The following THSD7A variants were observed in gnomAD, a reference collection of about 807,000 sequenced individuals.
The protein encoded by THSD7A is thrombospondin type 1 domain containing 7A.
A neutral mutation model predicts 231.3 loss-of-function variants in THSD7A; 96 were observed. The ratio of observed to expected loss-of-function variants is 0.41; its 90% CI spans 0.35 to 0.49. The LOEUF is 0.49. Ranked by LOEUF, THSD7A falls within the 20% of genes least tolerant of loss-of-function variation. THSD7A has a pLI of 0.05. For missense variants in THSD7A, 2,290 were observed against 2,070.2 expected, an observed-to-expected ratio of 1.11 and a Z score of -2.06; for synonymous variants, 940 against 743.3, an observed-to-expected ratio of 1.26 and a Z score of -4.30.
intron 4 of THSD7A, among the ~76,000 whole-genome samples, chr7:11,567,608 T>A (rs560081811): frequency 2.6e-5 from 4 of 152,148 alleles, no homozygotes; most frequent in Non-Finnish European, 5.9e-5. Context: ...GGTTTAAAAC[T>A]ACCGATAGCT....
intron 4 of THSD7A, among the ~76,000 whole-genome samples, chr7:11,558,175 TG>T (rs1789928938): frequency 6.6e-6 from 1 of 152,172 alleles, no homozygotes; most frequent in Non-Finnish European, 1.5e-5. Context: ...CTTGTCATTT[TG>T]GGCCTTGACA....
intron 1 of THSD7A, among the ~76,000 whole-genome samples, chr7:11,714,132 C>T (rs533322150): frequency 4.6e-5 from 7 of 151,068 alleles, no homozygotes; most frequent in Non-Finnish European, 8.9e-5. Context: ...TTTCAAGGCA[C>T]TTGTAGTAAG....
At position 11,831,283 on chromosome 7, in the gene THSD7A, C is replaced by T. The variant is rs1055648874; in HGVS notation, c.190+474G>A. Reference sequence around the variant, plus strand: ...ATTTGCCTTTAATTGTTGGAACCGCCCTCACTTGGCTTGTTTCTGAGGTGT... The same window carrying T: ...ATTTGCCTTTAATTGTTGGAACCGCTCTCACTTGGCTTGTTTCTGAGGTGT... On this transcript the variant is annotated intron_variant, in intron 1 of 27. Coordinates refer to ENST00000423059, the MANE Select transcript of THSD7A (RefSeq NM_015204.3). This position sits in a 1 kb window ranked among gnomAD's most constrained non-coding sequence, Gnocchi z 5.0. 4.6e-5 allele frequency among the ~76,000 whole-genome samples: 7 copies of T among 152,178 alleles called. No individual in the cohort carries two copies. Among genetic ancestry groups the T allele is most frequent in the Admixed American group, 1.3e-4 (2 of 15,280 alleles).
chr7:11,529,913 GA>G (rs1788632873), intron 6 of THSD7A, among the ~76,000 whole-genome samples: 1 of 152,084 alleles, frequency 6.6e-6, no homozygotes, highest in African/African-American at 2.4e-5. Flanking sequence ...CACTTAAATA[GA>G]ACACACTAGG....
intron 6 of THSD7A, among the ~76,000 whole-genome samples, chr7:11,489,758 T>G (rs947060920): frequency 6.6e-6 from 1 of 152,102 alleles, no homozygotes; most frequent in Non-Finnish European, 1.5e-5. Flanking sequence ...CTGCAAGAGT[T>G]GAGTTCAATC....
rs1554339240 is a variant in THSD7A, at chr7:11,566,965, T to TGGG, written c.1453+23492_1453+23494dup. Among the ~76,000 whole-genome samples the TGGG allele has an allele frequency of 3.3e-5, 3 of 92,306 alleles. 1 individual carries two copies. Among genetic ancestry groups the TGGG allele is most frequent in the African/African-American group, 1.7e-4 (3 of 18,008 alleles). The allele number at this position is 92,306 out of a possible 152,430, so 60.6% of individuals were successfully genotyped here. On this transcript the variant is annotated intron_variant, in intron 4 of 27. Transcript: ENST00000423059. ...CAAAGTGGATCCAGCTGTGGGAGAG[T>TGGG]GGGGGGGGGACTGACCAACAAAGTT... is the stretch of plus-strand genomic sequence containing the variant.
chr7:11,412,928 C>A, intron 17 of THSD7A, 128 bp from the exon 18 acceptor site: 1 of 904,974 alleles, frequency 1.1e-6, no homozygotes, highest in Non-Finnish European at 1.7e-6. Context: ...GTCAGTCAAC[C>A]TCATTATGCC....
intron 6 of THSD7A, among the ~76,000 whole-genome samples, chr7:11,500,166 C>G (rs972822159): frequency 1.4e-4 from 22 of 152,044 alleles, no homozygotes; most frequent in Non-Finnish European, 2.4e-4. Context: ...GGCCTATATT[C>G]AACATTCTTA....
intron 2 of THSD7A, among the ~76,000 whole-genome samples, chr7:11,620,003 A>T (rs1293171634): frequency 1.3e-5 from 2 of 152,184 alleles, no homozygotes; most frequent in Non-Finnish European, 2.9e-5. Context: ...CATCTAGTCT[A>T]CTTCTCTCAG....
At chr7:11,481,717 C>A in intron 7 of THSD7A, 71 bp downstream of exon 7, 1 of 1,414,780 alleles carries the variant, frequency 7.1e-7, no homozygotes, top group Non-Finnish European at 9.5e-7. Context: ...TCATCTTTTC[C>A]AGGCTACACA....
chr7:11,426,366 A>G (rs983843865), intron 15 of THSD7A, among the ~76,000 whole-genome samples: 3 of 152,166 alleles, frequency 2.0e-5, no homozygotes, highest in African/African-American at 7.2e-5. Flanking sequence ...AAAGCACAAG[A>G]CCATTAATAA....
chr7:11,620,196 T>C (rs12673553), intron 2 of THSD7A, among the ~76,000 whole-genome samples: 15,703 of 152,222 alleles, frequency 0.1, 1,037 homozygotes, highest in East Asian at 0.26. Flanking sequence ...TTTTCTTTCA[T>C]TGAAGTAAAT....
intron 6 of THSD7A, among the ~76,000 whole-genome samples, chr7:11,508,768 G>C (rs1212085384): frequency 6.6e-6 from 1 of 152,184 alleles, no homozygotes; most frequent in African/African-American, 2.4e-5. Context: ...CCTTAAAAAA[G>C]CAGGAAATTC....
At chr7:11,770,035 T>C (rs1453369860) in intron 1 of THSD7A, among the ~76,000 whole-genome samples, 1 of 152,138 alleles carries the variant, frequency 6.6e-6, no homozygotes, top group East Asian at 1.9e-4. Context: ...TTCATACCAC[T>C]ATTCCACATG....
intron 1 of THSD7A, among the ~76,000 whole-genome samples, chr7:11,719,464 C>T (rs765752644): frequency 2.0e-5 from 3 of 151,556 alleles, no homozygotes; most frequent in Non-Finnish European, 4.4e-5. Flanking sequence ...TTTTCAATTT[C>T]ATAATTATAC....
chr7:11,659,209 C>T (rs959567726), intron 1 of THSD7A, among the ~76,000 whole-genome samples: 7 of 151,614 alleles, frequency 4.6e-5, no homozygotes, highest in Non-Finnish European at 8.9e-5. Context: ...TGCTAAAAGG[C>T]ACTGGAGCAA....
intron 2 of THSD7A, among the ~76,000 whole-genome samples, chr7:11,595,795 A>G (rs971515213): frequency 1.3e-5 from 2 of 152,244 alleles, no homozygotes; most frequent in African/African-American, 4.8e-5. Flanking sequence ...TACAATGAGA[A>G]TAATTGGATC....
At chr7:11,491,425 T>C (rs1583841164) in intron 6 of THSD7A, among the ~76,000 whole-genome samples, 3 of 152,170 alleles carry the variant, frequency 2.0e-5, no homozygotes, top group African/African-American at 4.8e-5. Context: ...CCTTTCTCTC[T>C]GGACTACGTA....
In THSD7A at chr7:11,781,321, G is replaced by A. The variant is rs912219074; in HGVS notation, c.190+50436C>T. Among the ~76,000 whole-genome samples the A allele has an allele frequency of 9.3e-5, 14 of 151,254 alleles. 1 individual carries two copies. The highest frequency in any genetic ancestry group is 4.4e-5 in the Non-Finnish European group (3 of 67,860). On this transcript the variant is annotated intron_variant, in intron 1 of 27. Coordinates refer to ENST00000423059, the MANE Select transcript of THSD7A (RefSeq NM_015204.3). ...TTTTCAAAAATTAGCCAGGCATGGT[G>A]GCGTGTGCCCATAGTCCCAGTTACC...
Sources: allele counts gnomAD v4.1 joint callset (sites outside exome capture counted in the v4.1 genomes callset), GRCh38; gene constraint gnomAD v4.1.1; non-coding constraint Gnocchi (gnomAD v3.1); transcripts MANE v1.5; gene names NCBI Gene and HGNC (gene_info 2026-07-23, HGNC 2026-07-21).